SLC35E4: variants seen among roughly 807,000 people sequenced by gnomAD.
The protein encoded by SLC35E4 is solute carrier family 35, member E4.
Under a neutral mutation model 19.3 loss-of-function variants are expected in SLC35E4, and 15 were observed. The observed-to-expected ratio is 0.78, with a 90% CI of 0.52 to 1.20. The LOEUF is 1.20. Ranked by LOEUF, SLC35E4 falls within the 50% of genes most tolerant of loss-of-function variation. The pLI is 0.00. For synonymous variants in SLC35E4, 219 were observed against 219.9 expected (o/e 1.00, Z 0.04); for missense variants, 406 against 472.3 (o/e 0.86, Z 1.30).
Position 30,646,917 on chromosome 22 carries a change from GGGCATCGCACTC to G in SLC35E4, c.940_951del (p.Gly314_Leu317del), listed in dbSNP as rs1569060090. Reference sequence around the variant, plus strand: ...GCCGCCTCAGTGCCCTCAGCTACGTGGGCATCGCACTCACTCTTTCAGGAATGTTCCTTTACC... The same window carrying G: ...GCCGCCTCAGTGCCCTCAGCTACGTGACTCTTTCAGGAATGTTCCTTTACC... On this transcript the variant is annotated inframe_deletion, in exon 2 of 2. Transcript: ENST00000343605. The G allele has an allele frequency of 2.5e-6, 4 of 1,614,198 alleles. No individual in the cohort carries two copies. The highest frequency in any genetic ancestry group is 3.4e-6 in the Non-Finnish European group (4 of 1,180,048).
intron 1 of SLC35E4, among the ~76,000 whole-genome samples, chr22:30,645,819 A>ATTTT (rs1179064724): frequency 5.7e-5 from 7 of 122,804 alleles, no homozygotes; most frequent in Non-Finnish European, 1.2e-4. Context: ...TACCTGACCG[A>ATTTT]TTTTTTTTTT....
At position 30,636,952 on chromosome 22, in the gene SLC35E4, G is replaced by A. The variant is rs763466186; in HGVS notation, c.502G>A (p.Gly168Ser). 1.2e-6 allele frequency: 2 copies of A among 1,612,164 alleles called. No individual in the cohort carries two copies. Among genetic ancestry groups the A allele is most frequent in the South Asian group, 2.2e-5 (2 of 90,994 alleles). ...CCACCCACTTCAGTTGGCCGCCATG[G>A]GTCCGCTCTGCCTGGGGGCCGCCTG... ...RHHPLQLAAMGPLCLGAACSL... is the reference protein window; with the variant it reads ...RHHPLQLAAMSPLCLGAACSL... The change falls in exon 1 of 2, where the codon GGT becomes AGT. Residue 168 changes from glycine (G) to serine (S), a missense_variant. Coordinates refer to ENST00000343605, the MANE Select transcript of SLC35E4 (RefSeq NM_001001479.4).
intron 1 of SLC35E4, among the ~76,000 whole-genome samples, chr22:30,643,228 C>T (rs569486980): frequency 3.2e-4 from 48 of 152,250 alleles, no homozygotes; most frequent in Middle Eastern, 3.4e-3. Flanking sequence ...TGGACTCCCC[C>T]GCCCGTCCGC....
rs962788682 is a variant in SLC35E4 at position 30,636,114 on chromosome 22, G to A, written c.-337G>A. ...GGACTGAAGAGAAAAAAGGAACGAG[G>A]ATTTCATCTAAAAGCATAACGTGGG... On this transcript the variant is annotated 5_prime_UTR_variant, in exon 1 of 2. Coordinates refer to ENST00000343605, the MANE Select transcript of SLC35E4 (RefSeq NM_001001479.4). 9 of 303,838 alleles carry A rather than the reference G, an allele frequency of 3.0e-5. No homozygotes were observed. The highest frequency in any genetic ancestry group is 1.7e-4 in the African/African-American group (8 of 46,380). The allele number at this position is 303,838 out of a possible 1,614,324, so 18.8% of individuals were successfully genotyped here. A position where few individuals can be genotyped will look rare whatever the true frequency, so the allele number is the denominator to read the frequency against.
chr22:30,639,383 A>T (rs2087999721), intron 1 of SLC35E4, among the ~76,000 whole-genome samples: 1 of 152,140 alleles, frequency 6.6e-6, no homozygotes, highest in African/African-American at 2.4e-5. Context: ...ACCGGGGTGA[A>T]ATTAAAATTG....
In SLC35E4 at chr22:30,646,634, C is replaced by T; in HGVS notation, c.656C>T (p.Thr219Ile). Reference sequence around the variant, plus strand: ...CAGGAGGAGAGGCTGGACGCGGTGACCCTGCTTTACGCCACCTCGCTGCCC... The same window carrying T: ...CAGGAGGAGAGGCTGGACGCGGTGATCCTGCTTTACGCCACCTCGCTGCCC... Reference protein sequence around the residue: ...LLQEERLDAVTLLYATSLPSF... With the variant: ...LLQEERLDAVILLYATSLPSF... The change falls in exon 2 of 2, where the codon ACC becomes ATC. Residue 219 changes from threonine (T) to isoleucine (I), a missense_variant. By Grantham distance (89) the Thr-to-Ile change is moderately conservative (BLOSUM62 -1). Transcript: ENST00000343605. The T allele has an allele frequency of 1.2e-6, 2 of 1,609,770 alleles. No individual in the cohort carries two copies. Among genetic ancestry groups the T allele is most frequent in the Non-Finnish European group, 1.7e-6 (2 of 1,177,640 alleles).
At chr22:30,645,231 G>A (rs1391202397) in intron 1 of SLC35E4, among the ~76,000 whole-genome samples, 1 of 152,208 alleles carries the variant, frequency 6.6e-6, no homozygotes, top group Non-Finnish European at 1.5e-5. Context: ...GAACTGCAGT[G>A]TGGGAGTGAT....
chr22:30,644,886 A>G (rs1437284067), intron 1 of SLC35E4, among the ~76,000 whole-genome samples: 3 of 152,192 alleles, frequency 2.0e-5, no homozygotes. Flanking sequence ...ACAGTCACAC[A>G]TAGGCAAAGC....
intron 1 of SLC35E4, among the ~76,000 whole-genome samples, chr22:30,639,376 G>A (rs75460046): frequency 7.9e-5 from 12 of 152,230 alleles, no homozygotes; most frequent in Admixed American, 2.6e-4. Context: ...CCATAGGACC[G>A]GGGTGAAATT....
chr22:30,654,129 G>A (rs573675514), intron 2 of SLC35E4: 262 of 225,772 alleles, frequency 1.2e-3, no homozygotes, highest in Middle Eastern at 6.9e-3. Context: ...ACGGGCGCCC[G>A]CCACCACGCC....
rs187444449 is a variant in SLC35E4 at position 30,646,163 on chromosome 22, C to G, written c.620-435C>G. Among the ~76,000 whole-genome samples the G allele has an allele frequency of 1.2e-3, 187 of 152,236 alleles. 1 individual carries two copies. Among genetic ancestry groups the G allele is most frequent in the African/African-American group, 4.1e-3 (169 of 41,534 alleles). On this transcript the variant is annotated intron_variant, in intron 1 of 1. Coordinates refer to ENST00000343605, the MANE Select transcript of SLC35E4 (RefSeq NM_001001479.4). ...CATGCTTATTGATCATTTAGATATC[C>G]CAAGCATATCATTGTTTCAGCTCGT...
rs778701121 is a variant in SLC35E4 at position 30,647,028 on chromosome 22, T to A, written c.1050T>A (p.Leu350=). ...LWRRDQPSKG[L] ...GGAGGGACCAGCCCAGCAAGGGTCT[T>A]TGAGACCTGGGGGATCTCAGGAGCC... is the stretch of plus-strand genomic sequence containing the variant. The change falls in exon 2 of 2, where the codon CTT becomes CTA. Residue 350 remains leucine (L), a synonymous_variant. Transcript: ENST00000343605. 1.3e-6 allele frequency: 2 copies of A among 1,594,774 alleles called. No individual in the cohort carries two copies. The highest frequency in any genetic ancestry group is 1.7e-5 in the Admixed American group (1 of 59,062).
chr22:30,661,681 T>C (rs2088473794), intron 2 of SLC35E4: 1 of 152,220 alleles, frequency 6.6e-6, no homozygotes, highest in Non-Finnish European at 1.5e-5. Flanking sequence ...TGCTTTTGTT[T>C]CAAATGCTGT....
downstream of SLC35E4, chr22:30,663,357 A>G: frequency 7.2e-7 from 1 of 1,389,816 alleles, no homozygotes; most frequent in South Asian, 1.4e-5. Context: ...ACAAAAGTAG[A>G]ATGTTCAAGT....
chr22:30,663,583 T>C (rs773998729), downstream of SLC35E4: 41 of 1,614,048 alleles, frequency 2.5e-5, no homozygotes, highest in Non-Finnish European at 1.8e-5. Flanking sequence ...TTGGGTCGGA[T>C]GATGGGCCGG....
At chr22:30,664,171 T>G, downstream of SLC35E4, 2 of 638,800 alleles carry the variant, frequency 3.1e-6, no homozygotes, top group Non-Finnish European at 5.5e-6. Context: ...GCTTATAGCA[T>G]TCCCCAAGGC....
At chr22:30,665,077 A>G (rs2088599320), downstream of SLC35E4, 1 of 153,454 alleles carries the variant, frequency 6.5e-6, no homozygotes, top group Non-Finnish European at 1.5e-5. Flanking sequence ...TGCCCAGAGC[A>G]TTCATTAGAC....
At chr22:30,657,279 ACACAC>A (rs1569065140) in intron 2 of SLC35E4, among the ~76,000 whole-genome samples, 1 of 2,238 alleles carries the variant, frequency 4.5e-4, no homozygotes, top group Non-Finnish European at 9.7e-4. Flanking sequence ...TACTAAAAAC[ACACAC>A]ACACACACAC....
intron 1 of SLC35E4, among the ~76,000 whole-genome samples, chr22:30,639,564 AT>A (rs1410631607): frequency 6.6e-6 from 1 of 152,204 alleles, no homozygotes; most frequent in Non-Finnish European, 1.5e-5. Context: ...AGCTTCGACC[AT>A]AAAAGATGGC....
Sources: allele counts gnomAD v4.1 joint callset (sites outside exome capture counted in the v4.1 genomes callset), GRCh38; gene constraint gnomAD v4.1.1; transcripts MANE v1.5; gene names NCBI Gene and HGNC (gene_info 2026-07-23, HGNC 2026-07-21).